PLEKHM3: variants seen among roughly 807,000 people sequenced by gnomAD.
PLEKHM3 encodes the protein pleckstrin homology domain-containing family M member 3.
Under a neutral mutation model 81.8 loss-of-function variants are expected in PLEKHM3, and 45 were observed. The observed-to-expected ratio is 0.55, with a 90% CI of 0.43 to 0.71. The LOEUF (loss-of-function observed/expected upper bound fraction) is 0.71, where lower values mean the gene tolerates loss of function less well. PLEKHM3 is among the 30% of genes least tolerant of loss of function. The pLI is 0.00. For synonymous variants in PLEKHM3, 352 were observed against 356.4 expected (o/e 0.99, Z 0.14); for missense variants, 788 against 924.3 (o/e 0.85, Z 1.91).
chr2:208,005,974 A>C (rs867373546), intron 1 of PLEKHM3, among the ~76,000 whole-genome samples: 2 of 152,206 alleles, frequency 1.3e-5, no homozygotes, highest in African/African-American at 2.4e-5. Context: ...GGACAAAAGC[A>C]TAAGAGCCCT....
rs1165642684 is a variant in PLEKHM3, at chr2:207,865,823, T to A, written c.1951-4561A>T. On this transcript the variant is annotated intron_variant, in intron 6 of 7. Coordinates refer to ENST00000427836, the MANE Select transcript of PLEKHM3 (RefSeq NM_001080475.3). ...AAAAAGATATATATATATATATATA[T>A]ATATATATATATATACTTTCTGTCT... Among the ~76,000 whole-genome samples, 265 of 108,832 alleles carry A rather than the reference T, an allele frequency of 2.4e-3. 11 individuals are homozygous for A. Among genetic ancestry groups the A allele is most frequent in the Middle Eastern group, 5.2e-3 (1 of 194 alleles). 71.4% of individuals were successfully genotyped at this position (108,832 alleles called of 152,430 possible). A position where few individuals can be genotyped will look rare whatever the true frequency, so the allele number is the denominator to read the frequency against.
chr2:207,926,940 G>A (rs756361451), intron 5 of PLEKHM3, among the ~76,000 whole-genome samples: 1 of 152,154 alleles, frequency 6.6e-6, no homozygotes, highest in Admixed American at 6.5e-5. Context: ...GTTTTCTCAC[G>A]ACAGCAATAT....
chr2:207,865,801 A>AAAAAAAATAT lies in PLEKHM3; in HGVS notation c.1951-4540_1951-4539insATATTTTTTT. Among the ~76,000 whole-genome samples, 33 of 25,278 alleles carry AAAAAAAATAT rather than the reference A, an allele frequency of 1.3e-3. 4 individuals carry two copies. The highest frequency in any genetic ancestry group is 7.8e-3 in the East Asian group (7 of 902). The allele number at this position is 25,278 out of a possible 152,430, so 16.6% of individuals were successfully genotyped here. A position where few individuals can be genotyped will look rare whatever the true frequency, so the allele number is the denominator to read the frequency against. The stretch of plus-strand genomic sequence containing the variant: ...CGACTCAAAAAAAAAAAAAAAAAAA[A>AAAAAAAATAT]AGATATATATATATATATATATATA... On this transcript the variant is annotated intron_variant, in intron 6 of 7. Coordinates refer to ENST00000427836, the MANE Select transcript of PLEKHM3 (RefSeq NM_001080475.3).
At chr2:207,906,914 T>C (rs1226410176) in intron 6 of PLEKHM3, among the ~76,000 whole-genome samples, 6 of 152,260 alleles carry the variant, frequency 3.9e-5, no homozygotes, top group African/African-American at 1.4e-4. Flanking sequence ...GAAAAATGAC[T>C]GAAGGATATG....
chr2:207,978,444 C>T (rs1691400481), intron 2 of PLEKHM3, among the ~76,000 whole-genome samples: 1 of 152,088 alleles, frequency 6.6e-6, no homozygotes, highest in African/African-American at 2.4e-5. Context: ...ACCTAACTCC[C>T]TGCTAATACT....
At chr2:208,024,328 T>C (rs1693238110) in intron 1 of PLEKHM3, among the ~76,000 whole-genome samples, 1 of 152,186 alleles carries the variant, frequency 6.6e-6, no homozygotes, top group Admixed American at 6.5e-5. Flanking sequence ...TCTGGCTTTA[T>C]AGTTTTTGCT....
chr2:207,933,463 CTG>C (rs1415068039), intron 4 of PLEKHM3, among the ~76,000 whole-genome samples: 1 of 152,170 alleles, frequency 6.6e-6, no homozygotes, highest in African/African-American at 2.4e-5. Flanking sequence ...CCACTTGAAA[CTG>C]TTGCTGAAAA....
chr2:207,919,299 G>A (rs1184072275), intron 5 of PLEKHM3, among the ~76,000 whole-genome samples: 3 of 152,314 alleles, frequency 2.0e-5, no homozygotes, highest in Admixed American at 6.5e-5. Flanking sequence ...GGGGAAAGTA[G>A]TGGGCGATGA....
intron 7 of PLEKHM3, among the ~76,000 whole-genome samples, chr2:207,849,171 T>TA (rs1444109858): frequency 6.6e-6 from 1 of 151,982 alleles, no homozygotes; most frequent in Non-Finnish European, 1.5e-5. Flanking sequence ...CCATCTGTAC[T>TA]AAAAATACAA....
intron 3 of PLEKHM3, among the ~76,000 whole-genome samples, chr2:207,964,975 T>C (rs1690864231): frequency 1.3e-5 from 2 of 152,198 alleles, no homozygotes; most frequent in African/African-American, 4.8e-5. Context: ...GGTACTGCTA[T>C]ATTACTAGAT....
intron 6 of PLEKHM3, among the ~76,000 whole-genome samples, chr2:207,861,502 G>A (rs1489433833): frequency 6.6e-6 from 1 of 151,000 alleles, no homozygotes; most frequent in Non-Finnish European, 1.5e-5. Flanking sequence ...TTGCTTTGTA[G>A]TATAGTGTAG....
chr2:207,927,848 G>C (rs1689454252), intron 5 of PLEKHM3, among the ~76,000 whole-genome samples: 2 of 152,050 alleles, frequency 1.3e-5, no homozygotes, highest in South Asian at 4.2e-4. Context: ...AAGAAAGTGT[G>C]GCCTGGCTGC....
In PLEKHM3 at chr2:207,976,767, A is replaced by G; in HGVS notation, c.1430T>C (p.Met477Thr). The change falls in exon 3 of 8, where the codon ATG becomes ACG. Residue 477 changes from methionine to threonine, a missense_variant. Physicochemically the swap from Met to Thr is moderately conservative, Grantham distance 81. Coordinates refer to ENST00000427836, the MANE Select transcript of PLEKHM3 (RefSeq NM_001080475.3). This position sits in a 1 kb window ranked among gnomAD's most constrained non-coding sequence, Gnocchi z 4.1. ...VTLRNKPKDQ[M>T]GGHELRKNKR... is the part of the protein sequence containing the mutation. The stretch of plus-strand genomic sequence containing the variant: ...GTTCTTCCTGAGTTCATGCCCACCC[A>G]TTTGATCCTTGGGTTTGTTCCTCAG... The G allele has an allele frequency of 6.2e-7, 1 of 1,614,130 alleles. No homozygotes were observed. The highest frequency in any genetic ancestry group is 1.1e-5 in the South Asian group (1 of 91,082).
chr2:208,020,331 C>T (rs376797990), intron 1 of PLEKHM3, among the ~76,000 whole-genome samples: 29 of 152,260 alleles, frequency 1.9e-4, no homozygotes, highest in African/African-American at 5.3e-4. Context: ...AATGAGTGTA[C>T]GAAAACAAAC....
chr2:207,956,597 G>GTACA (rs1690517374), intron 3 of PLEKHM3, among the ~76,000 whole-genome samples: 1 of 151,566 alleles, frequency 6.6e-6, no homozygotes, highest in Non-Finnish European at 1.5e-5. Flanking sequence ...CCAGCCTGGA[G>GTACA]TACAGTAGTA....
At chr2:207,870,965 G>A (rs183347928) in intron 6 of PLEKHM3, among the ~76,000 whole-genome samples, 10 of 152,116 alleles carry the variant, frequency 6.6e-5, no homozygotes, top group Admixed American at 5.2e-4. Context: ...AAAATTAGCC[G>A]ATTGCAGTGG....
intron 4 of PLEKHM3, among the ~76,000 whole-genome samples, chr2:207,944,421 C>T (rs1690051800): frequency 6.6e-6 from 1 of 152,160 alleles, no homozygotes; most frequent in Non-Finnish European, 1.5e-5. Context: ...AAGGGATAAA[C>T]TTTCATATGA....
In PLEKHM3 at chr2:207,821,976, T is replaced by G. The variant is rs2092220488; in HGVS notation, c.*6343A>C. 6.6e-6 allele frequency: 1 copy of G among 152,236 alleles called. No homozygotes were observed. The highest frequency in any genetic ancestry group is 2.4e-5 in the African/African-American group (1 of 41,460). 9.4% of individuals were successfully genotyped at this position (152,236 alleles called of 1,614,324 possible). ...AGGGTAGGCTAGTAGCTATTCACAG[T>G]AAGATTCTACTTCTTTTTTTGTTTG... On this transcript the variant is annotated 3_prime_UTR_variant, in exon 8 of 8. Coordinates refer to ENST00000427836, the MANE Select transcript of PLEKHM3 (RefSeq NM_001080475.3).
chr2:207,830,347 C>T (rs949206363), intron 7 of PLEKHM3, among the ~76,000 whole-genome samples: 1 of 152,076 alleles, frequency 6.6e-6, no homozygotes, highest in Non-Finnish European at 1.5e-5. Flanking sequence ...GGCATGGTGG[C>T]TCATGCCTGT....
Sources: allele counts gnomAD v4.1 joint callset (sites outside exome capture counted in the v4.1 genomes callset), GRCh38; gene constraint gnomAD v4.1.1; non-coding constraint Gnocchi (gnomAD v3.1); transcripts MANE v1.5; gene names NCBI Gene and HGNC (gene_info 2026-07-23, HGNC 2026-07-21).